The following RADIL variants were observed in gnomAD, a reference collection of about 807,000 sequenced individuals.
The protein encoded by RADIL is Rap associating with DIL domain, also known as ras-associating and dilute domain-containing protein.
A neutral mutation model predicts 97.6 loss-of-function variants in RADIL; 99 were observed. That is an observed-to-expected ratio of 1.01 (90% CI 0.86 to 1.20). RADIL has a LOEUF of 1.20. Among genes scored for constraint, RADIL ranks in the 50% most tolerant of loss-of-function variants. The probability of loss-of-function intolerance (pLI) is 0.00; values close to 1 mark genes in which losing one functional copy is unlikely to be tolerated. For synonymous variants in RADIL, 803 were observed against 691.8 expected, an observed-to-expected ratio of 1.16 and a Z score of -2.52; for missense variants, 1,765 against 1,498.9, an observed-to-expected ratio of 1.18 and a Z score of -2.93.
chr7:4,860,083 G>A lies in RADIL; in HGVS notation c.535+17522C>T, dbSNP rs370541127. Reference sequence around the variant, plus strand: ...TTTCATTGGTATTCACCTGTTGCAAGGAAAATTCAGTAGCCTGTATGTTAG... The same window carrying A: ...TTTCATTGGTATTCACCTGTTGCAAAGAAAATTCAGTAGCCTGTATGTTAG... On this transcript the variant is annotated intron_variant, in intron 2 of 14. Coordinates refer to ENST00000399583, the MANE Select transcript of RADIL (RefSeq NM_018059.5). 6 of 1,613,888 alleles carry A rather than the reference G, an allele frequency of 3.7e-6. No individual in the cohort carries two copies. The African/African-American group carries it at 8.0e-5, about 22-fold the overall frequency.
intron 2 of RADIL, among the ~76,000 whole-genome samples, chr7:4,874,285 C>T (rs1464088111): frequency 1.3e-5 from 2 of 152,252 alleles, no homozygotes; most frequent in East Asian, 1.9e-4. Flanking sequence ...AGCTTCTGGG[C>T]GCGGGCCTGT....
chr7:4,833,987 A>G (rs77767718), intron 4 of RADIL, among the ~76,000 whole-genome samples: 2,273 of 152,128 alleles, frequency 0.015, 32 homozygotes, highest in Middle Eastern at 0.027. Context: ...ATGCTGCTGA[A>G]TCCTCTGCAA....
chr7:4,872,352 TGTAAC>T lies in RADIL; in HGVS notation c.535+5248_535+5252del, dbSNP rs1262677464. Among the ~76,000 whole-genome samples the T allele has an allele frequency of 6.6e-6, 1 of 152,152 alleles. No homozygotes were observed. The highest frequency in any genetic ancestry group is 2.4e-5 in the African/African-American group (1 of 41,434). On this transcript the variant is annotated intron_variant, in intron 2 of 14. Coordinates refer to ENST00000399583, the MANE Select transcript of RADIL (RefSeq NM_018059.5). This position sits in a 1 kb window ranked among gnomAD's most constrained non-coding sequence, Gnocchi z 5.8. ...TCAGCAAAGATGCCCCAACCTAAAA[TGTAAC>T]GGGAGGAAGGGAGAAAGCAAGGAAG...
In RADIL at chr7:4,835,144, G is replaced by T. The variant is rs1165635542; in HGVS notation, c.879C>A (p.Ile293=). The T allele has an allele frequency of 7.5e-6, 12 of 1,610,654 alleles. No homozygotes were observed. The highest frequency in any genetic ancestry group is 1.0e-5 in the Non-Finnish European group (12 of 1,179,036). ...GGCGGATGGTGCAGTGTAGAGGCAG[G>T]ATGTCGGGGGCTGAGAGGCTGATGC... ...KPSISLSAPD[I]LPLHCTIRRQ... Residue 293 remains isoleucine (I), a synonymous_variant, in exon 4 of 15, where the codon ATC becomes ATA. Transcript: ENST00000399583. The surrounding 1 kb of genome is among the most constrained non-coding windows in gnomAD (Gnocchi z 5.8).
Position 4,818,988 on chromosome 7 carries a change from C to A in RADIL, c.1616-1637G>T, listed in dbSNP as rs921061884. On this transcript the variant is annotated intron_variant, in intron 6 of 14. Coordinates refer to ENST00000399583, the MANE Select transcript of RADIL (RefSeq NM_018059.5). The surrounding 1 kb of genome is among the most constrained non-coding windows in gnomAD (Gnocchi z 7.1). ...GGCTGGTCTGGAACTCCAATCTACC[C>A]GCCTTGGCCCCCCAAAGTGCTGGGA... is the stretch of plus-strand genomic sequence containing the variant. Among the ~76,000 whole-genome samples, 1 of 151,684 alleles carries A rather than the reference C, an allele frequency of 6.6e-6. No individual in the cohort carries two copies. The highest frequency in any genetic ancestry group is 1.5e-5 in the Non-Finnish European group (1 of 67,942).
At chr7:4,806,070 A>C (rs6963791) in intron 9 of RADIL, 1 of 984,802 alleles carries the variant, frequency 1.0e-6, no homozygotes, top group African/African-American at 1.7e-5. Flanking sequence ...TGTGAAAGAA[A>C]TCAATCAAGT....
chr7:4,809,240 G>C (rs1782463579), intron 9 of RADIL: 66 of 985,186 alleles, frequency 6.7e-5, no homozygotes, highest in Non-Finnish European at 7.5e-5. Context: ...AGGGGCGCTC[G>C]GGCCTGGCCG....
Position 4,840,846 on chromosome 7 carries a change from A to T in RADIL, c.536-4241T>A, listed in dbSNP as rs2115009165. On this transcript the variant is annotated intron_variant, in intron 2 of 14. Transcript: ENST00000399583. This position sits in a 1 kb window ranked among gnomAD's most constrained non-coding sequence, Gnocchi z 5.6. ...GCTGGGCGTGGAGGTGGGCGCCTGT[A>T]GTCCCGGCTACTCGAGAGGCTGAGG... Among the ~76,000 whole-genome samples, 1 of 152,292 alleles carries T rather than the reference A, an allele frequency of 6.6e-6. No homozygotes were observed. The highest frequency in any genetic ancestry group is 2.1e-4 in the South Asian group (1 of 4,832).
chr7:4,838,933 G>A (rs544771956), intron 2 of RADIL, among the ~76,000 whole-genome samples: 4 of 152,162 alleles, frequency 2.6e-5, no homozygotes, highest in Non-Finnish European at 2.9e-5. Flanking sequence ...CCGTGCACTC[G>A]TGCACACATG....
chr7:4,805,865 G>T, intron 9 of RADIL, 149 bp from the exon 10 acceptor site: 1 of 1,390,532 alleles, frequency 7.2e-7, no homozygotes. Context: ...GAGGGGGACG[G>T]TGTCACAGCA....
intron 9 of RADIL, among the ~76,000 whole-genome samples, chr7:4,810,046 G>A (rs115182150): frequency 0.03 from 4,496 of 152,182 alleles, 90 homozygotes; most frequent in Middle Eastern, 0.051. Context: ...GTAGAGATGA[G>A]GTTTCAGTGG....
At position 4,813,901 on chromosome 7, in the gene RADIL, C is replaced by T. The variant is rs1583274547; in HGVS notation, c.2139+1377G>A. Among the ~76,000 whole-genome samples the T allele has an allele frequency of 1.3e-5, 2 of 152,192 alleles. No individual in the cohort carries two copies. Among genetic ancestry groups the T allele is most frequent in the Non-Finnish European group, 2.9e-5 (2 of 68,036 alleles). ...CCTGGTGCCACCAATTCCTGAGCCT[C>T]TTGGTGGCTTCCTGTAAACTGGGTT... On this transcript the variant is annotated intron_variant, in intron 9 of 14. Coordinates refer to ENST00000399583, the MANE Select transcript of RADIL (RefSeq NM_018059.5). The surrounding 1 kb of genome is among the most constrained non-coding windows in gnomAD (Gnocchi z 5.0).
Position 4,824,791 on chromosome 7 carries a change from T to C in RADIL, c.1455-2237A>G, listed in dbSNP as rs1266654248. On this transcript the variant is annotated intron_variant, in intron 5 of 14. Transcript: ENST00000399583. This position sits in a 1 kb window ranked among gnomAD's most constrained non-coding sequence, Gnocchi z 6.7. The stretch of plus-strand genomic sequence containing the variant: ...ATGTCTGCAGATGGGCAGAAGGAGC[T>C]TTTTATACAGTTAAAGAAGGATTCG... Among the ~76,000 whole-genome samples, 1 of 152,208 alleles carries C rather than the reference T, an allele frequency of 6.6e-6. No homozygotes were observed. The highest frequency in any genetic ancestry group is 1.5e-5 in the Non-Finnish European group (1 of 68,032).
At chr7:4,865,703 T>A (rs1377905426) in intron 2 of RADIL, 1 of 1,008,336 alleles carries the variant, frequency 9.9e-7, no homozygotes, top group African/African-American at 1.6e-5. Context: ...GCAGCATCTG[T>A]GATTCCATCT....
rs372659155 is a variant in RADIL, at chr7:4,817,317, C to T, written c.1650G>A (p.Thr550=). ...GCACCGCCATGGCCTCCTCGCTGGC[C>T]GTCAGCGTGCAGGAGAACAGCGATT... is the stretch of plus-strand genomic sequence containing the variant. ...SKESLFSCTL[T]ASEEAMAVLE... is the part of the protein sequence containing the mutation. Residue 550 remains threonine, a synonymous_variant, in exon 7 of 15, where the codon ACG becomes ACA. Coordinates refer to ENST00000399583, the MANE Select transcript of RADIL (RefSeq NM_018059.5). The surrounding 1 kb of genome is among the most constrained non-coding windows in gnomAD (Gnocchi z 8.3). 2.0e-5 allele frequency: 33 copies of T among 1,612,386 alleles called. No homozygotes were observed. Among genetic ancestry groups the T allele is most frequent in the Admixed American group, 1.3e-4 (8 of 59,970 alleles).
At chr7:4,806,056 A>G (rs771257184) in intron 9 of RADIL, 40 of 985,292 alleles carry the variant, frequency 4.1e-5, no homozygotes, top group Non-Finnish European at 2.8e-5. Flanking sequence ...CCTGCCTCCA[A>G]CGGTGTGAAA....
chr7:4,805,504 C>CA, intron 10 of RADIL, 62 bp downstream of exon 10: 1 of 1,486,524 alleles, frequency 6.7e-7, no homozygotes, highest in Non-Finnish European at 9.0e-7. Context: ...ATGCTGCCTC[C>CA]AGCCTCGGGG....
chr7:4,831,466 TACA>T (rs1783137172), intron 5 of RADIL, among the ~76,000 whole-genome samples: 1 of 149,604 alleles, frequency 6.7e-6, no homozygotes, highest in Non-Finnish European at 1.5e-5. Context: ...AAATCATCTG[TACA>T]ACAAGCCCGC....
chr7:4,845,325 G>C (rs1783541740), intron 2 of RADIL, among the ~76,000 whole-genome samples: 2 of 152,168 alleles, frequency 1.3e-5, no homozygotes, highest in Admixed American at 1.3e-4. Context: ...GGTGGAAGCA[G>C]GAGTACCACT....
Sources: allele counts gnomAD v4.1 joint callset (sites outside exome capture counted in the v4.1 genomes callset), GRCh38; gene constraint gnomAD v4.1.1; non-coding constraint Gnocchi (gnomAD v3.1); transcripts MANE v1.5; gene names NCBI Gene and HGNC (gene_info 2026-07-23, HGNC 2026-07-21).